FAT3: variants seen among roughly 807,000 people sequenced by gnomAD.
The protein encoded by FAT3 is FAT atypical cadherin 3, also known as protocadherin Fat 3.
In FAT3, 95 loss-of-function variants were observed where a neutral mutation model predicts 310.2. That is an observed-to-expected ratio of 0.31 (90% CI 0.26 to 0.36). The LOEUF is 0.36. Ranked by LOEUF, FAT3 falls within the 10% of genes least tolerant of loss-of-function variation. The probability of loss-of-function intolerance (pLI) is 1.00; values close to 1 mark genes in which losing one functional copy is unlikely to be tolerated. For missense variants in FAT3, 5,408 were observed against 5,715.6 expected (o/e 0.95, Z 1.74); for synonymous variants, 2,314 against 2,192.9 (o/e 1.06, Z -1.54).
chr11:92,468,492 C>CT (rs1951828742), intron 2 of FAT3, among the ~76,000 whole-genome samples: 1 of 152,016 alleles, frequency 6.6e-6, no homozygotes, highest in Non-Finnish European at 1.5e-5. Context: ...TGTAATTCTT[C>CT]TTTTTTCTTC....
intron 1 of FAT3, among the ~76,000 whole-genome samples, chr11:92,307,702 A>G (rs1947177746): frequency 6.6e-6 from 1 of 152,176 alleles, no homozygotes; most frequent in African/African-American, 2.4e-5. Context: ...ATATGTAGAA[A>G]TCTGTGTTAA....
intron 1 of FAT3, among the ~76,000 whole-genome samples, chr11:92,351,647 T>C (rs1948569752): frequency 1.3e-5 from 2 of 148,542 alleles, no homozygotes. Context: ...CCTCTATTGA[T>C]AGGCATTTAG....
At chr11:92,330,810 G>A (rs1019867551) in intron 1 of FAT3, among the ~76,000 whole-genome samples, 15 of 152,014 alleles carry the variant, frequency 9.9e-5, no homozygotes, top group Middle Eastern at 3.2e-3. Flanking sequence ...TAGAATATTA[G>A]CACTTTGGAA....
At chr11:92,402,531 A>G (rs1249991150) in intron 2 of FAT3, among the ~76,000 whole-genome samples, 3 of 152,006 alleles carry the variant, frequency 2.0e-5, no homozygotes, top group African/African-American at 7.2e-5. Context: ...GGAGTTCCAG[A>G]CCAGCCTAGG....
rs1214420357 is a variant in FAT3 at position 92,889,921 on chromosome 11, T to C, written c.13147+30T>C. 4.2e-6 allele frequency: 3 copies of C among 717,762 alleles called. No homozygotes were observed. The African/African-American group carries it at 5.2e-5, about 13-fold the overall frequency. 44.5% of individuals were successfully genotyped at this position (717,762 alleles called of 1,614,324 possible). On this transcript the variant is annotated intron_variant, in intron 27 of 27. Transcript: ENST00000525166. The stretch of plus-strand genomic sequence containing the variant: ...CTGTGCCGCAACCCTAGCATAACTT[T>C]TTGTGTGTTTGTTTTGAATTGCTGA...
intron 2 of FAT3, among the ~76,000 whole-genome samples, chr11:92,363,654 C>T (rs1948938014): frequency 6.6e-6 from 1 of 152,092 alleles, no homozygotes; most frequent in Non-Finnish European, 1.5e-5. Context: ...TATTTTTACT[C>T]TCGCCCATCT....
intron 4 of FAT3, among the ~76,000 whole-genome samples, chr11:92,758,088 G>C (rs190337511): frequency 6.6e-6 from 1 of 152,208 alleles, no homozygotes; most frequent in Non-Finnish European, 1.5e-5. Context: ...GTGTCTGAAT[G>C]TTCTTTTCAC....
intron 2 of FAT3, among the ~76,000 whole-genome samples, chr11:92,519,215 G>T (rs182912832): frequency 1.3e-5 from 2 of 152,280 alleles, no homozygotes; most frequent in East Asian, 3.9e-4. Flanking sequence ...TAATGGGACA[G>T]AATGGAGAGT....
chr11:92,443,677 T>G (rs1399206682), intron 2 of FAT3, among the ~76,000 whole-genome samples: 3 of 152,166 alleles, frequency 2.0e-5, no homozygotes, highest in Admixed American at 2.0e-4. Flanking sequence ...AAGAAACTGA[T>G]CTATTCTGTG....
chr11:92,703,904 T>A (rs1297587232), intron 4 of FAT3, among the ~76,000 whole-genome samples: 1 of 152,220 alleles, frequency 6.6e-6, no homozygotes, highest in Non-Finnish European at 1.5e-5. Flanking sequence ...ATCAAGAAAC[T>A]GTTATTAATT....
At chr11:92,732,222 A>G (rs1945202199) in intron 4 of FAT3, among the ~76,000 whole-genome samples, 2 of 152,238 alleles carry the variant, frequency 1.3e-5, no homozygotes, top group Non-Finnish European at 2.9e-5. Context: ...TGTACAATTT[A>G]ATTATAATAC....
chr11:92,638,964 G>A (rs985419482), intron 3 of FAT3, among the ~76,000 whole-genome samples: 5 of 152,152 alleles, frequency 3.3e-5, no homozygotes, highest in African/African-American at 1.2e-4. Context: ...AGAAAATTCA[G>A]ATTCCATGCC....
At chr11:92,778,323 C>T (rs142908748) in intron 7 of FAT3, among the ~76,000 whole-genome samples, 134 of 152,292 alleles carry the variant, frequency 8.8e-4, no homozygotes, top group African/African-American at 3.0e-3. Context: ...TACCCATTCT[C>T]TACACTACTA....
At chr11:92,246,228 A>G (rs1370599359) in intron 1 of FAT3, among the ~76,000 whole-genome samples, 2 of 152,042 alleles carry the variant, frequency 1.3e-5, no homozygotes, top group Non-Finnish European at 2.9e-5. Flanking sequence ...TTGAAGCTTA[A>G]GGAGAAAGTT....
At chr11:92,432,390 G>A (rs1412154122) in intron 2 of FAT3, among the ~76,000 whole-genome samples, 1 of 152,188 alleles carries the variant, frequency 6.6e-6, no homozygotes, top group Non-Finnish European at 1.5e-5. Context: ...AGGAGATTTT[G>A]TGCTGAGACG....
At chr11:92,578,873 A>G (rs934846063) in intron 3 of FAT3, among the ~76,000 whole-genome samples, 3 of 152,192 alleles carry the variant, frequency 2.0e-5, no homozygotes, top group Admixed American at 2.0e-4. Flanking sequence ...CGTCTAATAT[A>G]TCATAAAAAA....
At chr11:92,676,044 T>C (rs186786936) in intron 3 of FAT3, among the ~76,000 whole-genome samples, 1 of 152,236 alleles carries the variant, frequency 6.6e-6, no homozygotes, top group African/African-American at 2.4e-5. Context: ...AGGGTGGCAA[T>C]GAGCATAGAG....
At chr11:92,421,852 C>T (rs759217851) in intron 2 of FAT3, among the ~76,000 whole-genome samples, 2 of 152,152 alleles carry the variant, frequency 1.3e-5, no homozygotes, top group Non-Finnish European at 1.5e-5. Context: ...GCGAGCTGAG[C>T]CCTCATAGCT....
chr11:92,332,103 G>A (rs540703282), intron 1 of FAT3, among the ~76,000 whole-genome samples: 69 of 152,320 alleles, frequency 4.5e-4, no homozygotes, highest in Admixed American at 1.0e-3. Flanking sequence ...CTCCTGAAGT[G>A]CCCAAGTTTA....
Sources: gnomAD v4.1 joint callset for allele counts (sites outside exome capture counted in the v4.1 genomes callset) on GRCh38, gnomAD v4.1.1 for gene constraint, MANE v1.5 for transcripts, NCBI Gene and HGNC (gene_info 2026-07-23, HGNC 2026-07-21) for gene names.